PLXNB2: variants seen among roughly 807,000 people sequenced by gnomAD.
The protein encoded by PLXNB2 is plexin B2.
PLXNB2 carries 85 observed loss-of-function variants against 202.6 expected under a neutral mutation model. The ratio of observed to expected loss-of-function variants is 0.42; its 90% CI spans 0.35 to 0.50. The LOEUF is 0.50. Among genes scored for constraint, PLXNB2 ranks in the 20% least tolerant of loss-of-function variants. The pLI is 0.02. For missense variants in PLXNB2, 2,063 were observed against 2,586.2 expected, an observed-to-expected ratio of 0.80 and a Z score of 4.39; for synonymous variants, 1,239 against 1,137.6, an observed-to-expected ratio of 1.09 and a Z score of -1.79.
chr22:50,290,102 A>G lies in PLXNB2; in HGVS notation c.483T>C (p.Gly161=). ...CAAACAGCACGCGGTCACCACCAGG[A>G]CCCGTGGAGCTCACCAGCCCCACTG... ...VATVGLVSST[G]PGGDRVLFVG... Residue 161 remains glycine (G), a synonymous_variant, in exon 3 of 37, where the codon GGT becomes GGC. Transcript: ENST00000359337. The G allele has an allele frequency of 6.2e-7, 1 of 1,613,024 alleles. No homozygotes were observed. Among genetic ancestry groups the G allele is most frequent in the South Asian group, 1.1e-5 (1 of 91,088 alleles).
At chr22:50,276,409 G>T (rs2065588911) in intron 35 of PLXNB2, among the ~76,000 whole-genome samples, 9 of 148,554 alleles carry the variant, frequency 6.1e-5, no homozygotes, top group African/African-American at 1.0e-4. Flanking sequence ...GCCGCAGGGA[G>T]GGGGCGCTGT....
At chr22:50,278,410 A>T in intron 30 of PLXNB2, 25 bp downstream of exon 30, 1 of 1,562,140 alleles carries the variant, frequency 6.4e-7, no homozygotes, top group Non-Finnish European at 8.7e-7. Context: ...GGCTGGAAGG[A>T]AACGGGCAAC....
chr22:50,281,857 G>A lies in PLXNB2; in HGVS notation c.3342C>T (p.Ala1114=), dbSNP rs1466314065. The A allele has an allele frequency of 6.2e-7, 1 of 1,611,654 alleles. No individual in the cohort carries two copies. The highest frequency in any genetic ancestry group is 2.2e-5 in the East Asian group (1 of 44,858). The change falls in exon 20 of 37, where the codon GCC becomes GCT. Residue 1114 remains alanine, a synonymous_variant. Transcript: ENST00000359337. ...VKKQVNKLIH[A]RGTNLNKAMT... The stretch of plus-strand genomic sequence containing the variant: ...CCCGGGGCTGCACCGTCCTCACCCG[G>A]GCGTGGATGAGCTTGTTGACCTGCT...
At position 50,275,664 on chromosome 22, in the gene PLXNB2, T is replaced by G. The variant is rs1389414379; in HGVS notation, c.*40A>C. On this transcript the variant is annotated 3_prime_UTR_variant, in exon 37 of 37. Transcript: ENST00000359337. ...CTCCCCTGAGGGGCTCTCAGGTACC[T>G]CAGGTACCTATGTCCCAAGGCAGCA... The G allele has an allele frequency of 2.1e-6, 3 of 1,400,756 alleles. No individual in the cohort carries two copies. Among genetic ancestry groups the G allele is most frequent in the East Asian group, 4.6e-5 (2 of 43,554 alleles). The allele number at this position is 1,400,756 out of a possible 1,614,324, so 86.8% of individuals were successfully genotyped here.
chr22:50,285,039 GC>G, intron 11 of PLXNB2: 1 of 404,962 alleles, frequency 2.5e-6, no homozygotes. Flanking sequence ...CCATCCAAAG[GC>G]CCCCGAGTGC....
At position 50,280,161 on chromosome 22, in the gene PLXNB2, C is replaced by T. The variant is rs2065887510; in HGVS notation, c.4176-90G>A. 9 of 1,066,904 alleles carry T rather than the reference C, an allele frequency of 8.4e-6. No individual in the cohort carries two copies. In the South Asian group the frequency reaches 9.1e-5, roughly 11 times the overall value. The allele number at this position is 1,066,904 out of a possible 1,614,324, so 66.1% of individuals were successfully genotyped here. ...TCCAAGCACCCGGCCACCCTTGCGC[C>T]AGCCTCGCCCCTGTCCAGCCTGGGT... is the stretch of plus-strand genomic sequence containing the variant. On this transcript the variant is annotated intron_variant, in intron 25 of 36. Coordinates refer to ENST00000359337, the MANE Select transcript of PLXNB2 (RefSeq NM_012401.4).
At chr22:50,276,765 G>A in intron 34 of PLXNB2, 61 bp from the exon 35 acceptor site, 2 of 1,594,304 alleles carry the variant, frequency 1.3e-6, no homozygotes, top group Non-Finnish European at 1.7e-6. Context: ...GGTGGTGGGG[G>A]AAACCAAGGC....
intron 8 of PLXNB2, among the ~76,000 whole-genome samples, chr22:50,286,539 G>A (rs2066468362): frequency 6.6e-6 from 1 of 152,226 alleles, no homozygotes; most frequent in South Asian, 2.1e-4. Context: ...CGGGTGTCGG[G>A]CGCAGCACCG....
intron 1 of PLXNB2, among the ~76,000 whole-genome samples, chr22:50,306,137 G>C (rs371952977): frequency 1.3e-5 from 2 of 152,324 alleles, no homozygotes; most frequent in East Asian, 3.9e-4. Flanking sequence ...GGCAGCCGGT[G>C]GGGGAGGGGG....
chr22:50,297,641 T>A lies in PLXNB2; in HGVS notation c.-73-2863A>T, dbSNP rs779050078. The stretch of plus-strand genomic sequence containing the variant: ...CCTGCTCACAAGATTCCCGCTTAGC[T>A]ACCCCAGAAAAAGGAGTTTCTTCCT... On this transcript the variant is annotated intron_variant, in intron 1 of 36. Transcript: ENST00000359337. The surrounding 1 kb of genome is among the most constrained non-coding windows in gnomAD (Gnocchi z 5.3). Among the ~76,000 whole-genome samples the A allele has an allele frequency of 2.6e-5, 4 of 152,306 alleles. No homozygotes were observed. Among genetic ancestry groups the A allele is most frequent in the Non-Finnish European group, 4.4e-5 (3 of 68,028 alleles).
chr22:50,283,492 C>G, intron 15 of PLXNB2, 47 bp from the exon 16 acceptor site: 1 of 1,575,276 alleles, frequency 6.3e-7, no homozygotes, highest in Non-Finnish European at 8.7e-7. Flanking sequence ...CGACCCACCC[C>G]ACACCCTGAC....
chr22:50,283,123 T>A lies in PLXNB2; in HGVS notation c.2743A>T (p.Ile915Phe), dbSNP rs1166598462. The A allele has an allele frequency of 1.2e-6, 2 of 1,601,048 alleles. No homozygotes were observed. The highest frequency in any genetic ancestry group is 2.7e-5 in the African/African-American group (2 of 74,814). ...CCCGTGTCCAGGTGGGTGCCGTGGA[T>A]GGTCAGTGTGGTGCCGCCCGCCTGC... The part of the protein sequence containing the change: ...GPQAGGTTLT[I>F]HGTHLDTGSQ... Residue 915 changes from isoleucine to phenylalanine, a missense_variant, in exon 17 of 37, where the codon ATC becomes TTC. Ile to Phe is a conservative substitution (Grantham distance 21, BLOSUM62 0). Coordinates refer to ENST00000359337, the MANE Select transcript of PLXNB2 (RefSeq NM_012401.4).
chr22:50,304,316 G>A (rs1055115496), intron 1 of PLXNB2, among the ~76,000 whole-genome samples: 1 of 152,182 alleles, frequency 6.6e-6, no homozygotes, highest in Non-Finnish European at 1.5e-5. Flanking sequence ...GGATCCACTG[G>A]GGGGGTGCGG....
rs1465229293 is a variant in PLXNB2, at chr22:50,278,167, G to A, written c.4837C>T (p.Arg1613Trp). The A allele has an allele frequency of 2.5e-6, 4 of 1,594,480 alleles. No homozygotes were observed. Among genetic ancestry groups the A allele is most frequent in the African/African-American group, 1.4e-5 (1 of 73,072 alleles). Residue 1613 changes from arginine (R) to tryptophan (W), a missense_variant, in exon 31 of 37, where the codon CGG becomes TGG. Around this residue, in one of 2 missense-constraint regions of PLXNB2, gnomAD observed 760 missense variants for 1,109.4 expected, o/e 0.69. Transcript: ENST00000359337. ...TAGATCTCGGTGATGGCCTTCGTCCGCTCCTTCTCTTTCACGCTGCCTCTC... is the reference window on the plus strand; with the variant it reads ...TAGATCTCGGTGATGGCCTTCGTCCACTCCTTCTCTTTCACGCTGCCTCTC... ...SKRGSVKEKE[R>W]TKAITEIYLT...
intron 2 of PLXNB2, among the ~76,000 whole-genome samples, chr22:50,294,190 G>A (rs1276187924): frequency 1.3e-5 from 2 of 152,258 alleles, no homozygotes; most frequent in Non-Finnish European, 2.9e-5. Context: ...GCCCTCCTGG[G>A]ACCCCCACTT....
chr22:50,289,171 C>A lies in PLXNB2; in HGVS notation c.1069-29G>T. ...CGGACCACAGCGTGTCAATGGCAGG[C>A]AGACCCCCTGTCCTGAAGGGCCCTC... is the stretch of plus-strand genomic sequence containing the variant. On this transcript the variant is annotated intron_variant, in intron 3 of 36. Coordinates refer to ENST00000359337, the MANE Select transcript of PLXNB2 (RefSeq NM_012401.4). The surrounding 1 kb of genome is among the most constrained non-coding windows in gnomAD (Gnocchi z 8.0). The A allele has an allele frequency of 6.6e-7, 1 of 1,524,736 alleles. No individual in the cohort carries two copies. Among genetic ancestry groups the A allele is most frequent in the South Asian group, 1.2e-5 (1 of 82,246 alleles). 94.5% of individuals were successfully genotyped at this position (1,524,736 alleles called of 1,614,324 possible). A position where few individuals can be genotyped will look rare whatever the true frequency, so the allele number is the denominator to read the frequency against.
Position 50,287,180 on chromosome 22 carries a change from C to T in PLXNB2, c.1693G>A (p.Ala565Thr), listed in dbSNP as rs750788711. Residue 565 changes from alanine to threonine, a missense_variant, in exon 8 of 37, where the codon GCC (alanine) becomes ACC (threonine). Physicochemically the swap from Ala to Thr is moderately conservative, Grantham distance 58. This residue lies in a region of PLXNB2 where 1,303 missense variants were observed against 1,476.8 expected (regional missense o/e 0.88). Coordinates refer to ENST00000359337, the MANE Select transcript of PLXNB2 (RefSeq NM_012401.4). ...ATGACGGCCTCGCCCTCCACGCGGG[C>T]GGGGTGTGGCGGCGACTCCCCAAAA... ...CLFGESPPHPARVEGEAVICN... is the reference protein window; with the variant it reads ...CLFGESPPHPTRVEGEAVICN... The T allele has an allele frequency of 3.7e-5, 58 of 1,547,704 alleles. No homozygotes were observed. The highest frequency in any genetic ancestry group is 1.7e-4 in the Middle Eastern group (1 of 5,974).
intron 1 of PLXNB2, among the ~76,000 whole-genome samples, chr22:50,296,801 A>G (rs28427539): frequency 0.26 from 39,487 of 150,894 alleles, 5,229 homozygotes; most frequent in Non-Finnish European, 0.29. Flanking sequence ...GCCAGGCCCC[A>G]CTCTCCTCCC....
At chr22:50,286,318 T>C (rs1324007292) in intron 8 of PLXNB2, 31 bp from the exon 9 acceptor site, 1 of 1,545,180 alleles carries the variant, frequency 6.5e-7, no homozygotes, top group South Asian at 1.1e-5. Flanking sequence ...GGTGTCAAGG[T>C]GGCGGCCGCA....
Sources: allele counts gnomAD v4.1 joint callset (sites outside exome capture counted in the v4.1 genomes callset), GRCh38; gene constraint gnomAD v4.1.1; regional missense constraint gnomAD v4.1.1; non-coding constraint Gnocchi (gnomAD v3.1); transcripts MANE v1.5; gene names NCBI Gene and HGNC (gene_info 2026-07-23, HGNC 2026-07-21).